The following ROBO2 variants were observed in gnomAD, a reference collection of about 807,000 sequenced individuals.
The protein encoded by ROBO2 is roundabout guidance receptor 2.
In ROBO2, 53 loss-of-function variants were observed where a neutral mutation model predicts 160.8. The observed-to-expected ratio is 0.33, with a 90% CI of 0.26 to 0.41. The LOEUF (loss-of-function observed/expected upper bound fraction) is 0.41. ROBO2 is among the 10% of genes least tolerant of loss of function. The pLI, the probability that ROBO2 is intolerant of heterozygous loss-of-function variation, is 1.00. For missense variants in ROBO2, 1,577 were observed against 1,722.4 expected (o/e 0.92, Z 1.49); for synonymous variants, 664 against 611.7 (o/e 1.09, Z -1.26).
chr3:76,220,968 G>A (rs1445722376), intron 2 of ROBO2, among the ~76,000 whole-genome samples: 1 of 152,130 alleles, frequency 6.6e-6, no homozygotes, highest in East Asian at 1.9e-4. Flanking sequence ...AAAAGGATGG[G>A]CCTGGATTTG....
At chr3:76,333,426 A>G (rs1262710993) in intron 2 of ROBO2, among the ~76,000 whole-genome samples, 1 of 152,222 alleles carries the variant, frequency 6.6e-6, no homozygotes, top group Non-Finnish European at 1.5e-5. Context: ...TCTAGCTCTC[A>G]GTAAATTAAG....
At chr3:76,181,703 T>A (rs549000585) in intron 2 of ROBO2, among the ~76,000 whole-genome samples, 3 of 152,156 alleles carry the variant, frequency 2.0e-5, no homozygotes, top group Non-Finnish European at 4.4e-5. Flanking sequence ...CATTTCCTCA[T>A]TTTCTAGCTA....
At chr3:77,478,570 G>T (rs568731993) in intron 3 of ROBO2, among the ~76,000 whole-genome samples, 1 of 152,274 alleles carries the variant, frequency 6.6e-6, no homozygotes, top group Admixed American at 6.5e-5. Flanking sequence ...TTTTAAGTGA[G>T]AACCAACCCA....
At chr3:76,223,507 T>G (rs1704105037) in intron 2 of ROBO2, among the ~76,000 whole-genome samples, 1 of 151,986 alleles carries the variant, frequency 6.6e-6, no homozygotes, top group African/African-American at 2.4e-5. Flanking sequence ...TCATCAGAAT[T>G]TAGGTGCTCA....
intron 2 of ROBO2, among the ~76,000 whole-genome samples, chr3:76,997,945 C>T (rs2061115676): frequency 6.6e-6 from 1 of 152,074 alleles, no homozygotes; most frequent in African/African-American, 2.4e-5. Context: ...CTAGCCAGAG[C>T]TTGTTCACAT....
intron 2 of ROBO2, among the ~76,000 whole-genome samples, chr3:77,382,203 C>T (rs939474034): frequency 1.3e-5 from 2 of 151,762 alleles, no homozygotes; most frequent in Non-Finnish European, 2.9e-5. Context: ...AAGAGTGAAC[C>T]GGAAATGGAT....
intron 2 of ROBO2, among the ~76,000 whole-genome samples, chr3:76,319,458 A>G (rs1490776830): frequency 6.6e-6 from 1 of 151,824 alleles, no homozygotes; most frequent in African/African-American, 2.4e-5. Context: ...CTTTCTTGGG[A>G]AGGAATATTC....
chr3:76,987,619 T>G (rs142501777), intron 2 of ROBO2, among the ~76,000 whole-genome samples: 242 of 152,280 alleles, frequency 1.6e-3, no homozygotes, highest in Middle Eastern at 3.4e-3. Context: ...TCTTCCACGT[T>G]TTTAAAAAGG....
At chr3:76,665,872 C>T (rs1322061288) in intron 2 of ROBO2, among the ~76,000 whole-genome samples, 2 of 131,600 alleles carry the variant, frequency 1.5e-5, no homozygotes, top group African/African-American at 3.3e-5. Context: ...TATGTATATA[C>T]GTATTATATA....
At chr3:76,704,910 A>G (rs1031768245) in intron 2 of ROBO2, among the ~76,000 whole-genome samples, 1 of 152,238 alleles carries the variant, frequency 6.6e-6, no homozygotes, top group South Asian at 2.1e-4. Flanking sequence ...TTTATTTTGC[A>G]TCTAAAAAGA....
intron 2 of ROBO2, among the ~76,000 whole-genome samples, chr3:76,136,861 C>CA (rs1577009334): frequency 6.6e-6 from 1 of 151,880 alleles, no homozygotes; most frequent in East Asian, 1.9e-4. Context: ...GTCACCGTCA[C>CA]AAAAATGATC....
At chr3:76,869,782 C>T (rs992840315) in intron 2 of ROBO2, among the ~76,000 whole-genome samples, 1 of 152,074 alleles carries the variant, frequency 6.6e-6, no homozygotes, top group Non-Finnish European at 1.5e-5. Flanking sequence ...ATCAAAATTG[C>T]CACTTGTTTG....
At chr3:76,275,296 T>A (rs1707855289) in intron 2 of ROBO2, among the ~76,000 whole-genome samples, 1 of 152,164 alleles carries the variant, frequency 6.6e-6, no homozygotes, top group African/African-American at 2.4e-5. Context: ...CAATTTTTTT[T>A]AATACTTTAA....
At chr3:77,411,932 T>TG (rs1453435540) in intron 2 of ROBO2, among the ~76,000 whole-genome samples, 1 of 152,214 alleles carries the variant, frequency 6.6e-6, no homozygotes, top group Non-Finnish European at 1.5e-5. Flanking sequence ...AATGTTCAAA[T>TG]TACATTTTTC....
chr3:77,255,531 C>T (rs966786592), intron 2 of ROBO2, among the ~76,000 whole-genome samples: 1 of 152,154 alleles, frequency 6.6e-6, no homozygotes, highest in Non-Finnish European at 1.5e-5. Flanking sequence ...TGGTAACCAA[C>T]CTCCCACTTT....
chr3:76,323,175 A>ACACACC lies in ROBO2; in HGVS notation c.109+385574_109+385575insACACCC, dbSNP rs752990413. The stretch of plus-strand genomic sequence containing the variant: ...CACACACACACACACACACACACAC[A>ACACACC]CCCCTAAAGGCTAATTGCTGGGATT... On this transcript the variant is annotated intron_variant, in intron 2 of 26. Transcript: ENST00000487694. Among the ~76,000 whole-genome samples, 398 of 145,700 alleles carry ACACACC rather than the reference A, an allele frequency of 2.7e-3. 1 individual carries two copies. Among genetic ancestry groups the ACACACC allele is most frequent in the African/African-American group, 6.4e-3 (257 of 39,996 alleles).
chr3:77,602,813 C>A, intron 20 of ROBO2: 1 of 476,434 alleles, frequency 2.1e-6, no homozygotes, highest in Non-Finnish European at 4.1e-6. Flanking sequence ...GCAGGGTAGA[C>A]AAAACATTCC....
At chr3:76,303,835 A>C (rs1043204709) in intron 2 of ROBO2, among the ~76,000 whole-genome samples, 6 of 152,140 alleles carry the variant, frequency 3.9e-5, no homozygotes, top group African/African-American at 1.4e-4. Flanking sequence ...ATTCAGCCTT[A>C]CCTTTTTGTC....
At chr3:77,284,879 C>T (rs1406304952) in intron 2 of ROBO2, among the ~76,000 whole-genome samples, 1 of 152,104 alleles carries the variant, frequency 6.6e-6, no homozygotes. Flanking sequence ...TTCACTGCCT[C>T]ATTAACCGTA....
Sources: gnomAD v4.1 joint callset for allele counts (sites outside exome capture counted in the v4.1 genomes callset) on GRCh38, gnomAD v4.1.1 for gene constraint, MANE v1.5 for transcripts, NCBI Gene and HGNC (gene_info 2026-07-23, HGNC 2026-07-21) for gene names.